The following TRAK1 variants were observed in gnomAD, a reference collection of about 807,000 sequenced individuals.
The protein encoded by TRAK1 is trafficking kinesin protein 1.
A neutral mutation model predicts 92.1 loss-of-function variants in TRAK1; 33 were observed. That is an observed-to-expected ratio of 0.36 (90% CI 0.27 to 0.48). The LOEUF (loss-of-function observed/expected upper bound fraction) is 0.48, where lower values mean the gene tolerates loss of function less well. TRAK1 is among the 20% of genes least tolerant of loss of function. The probability of loss-of-function intolerance (pLI) is 0.99; values close to 1 mark genes in which losing one functional copy is unlikely to be tolerated. For missense variants in TRAK1, 1,123 were observed against 1,257.9 expected, an observed-to-expected ratio of 0.89 and a Z score of 1.62; for synonymous variants, 521 against 517.3, an observed-to-expected ratio of 1.01 and a Z score of -0.10.
At chr3:42,069,682 TGTG>T (rs989106862) in intron 1 of TRAK1, among the ~76,000 whole-genome samples, 4 of 152,148 alleles carry the variant, frequency 2.6e-5, no homozygotes, top group African/African-American at 9.7e-5. Flanking sequence ...GAAATGGCGT[TGTG>T]GTGAAAAATG....
In TRAK1 at chr3:42,178,263, G is replaced by A. The variant is rs191549131; in HGVS notation, c.363+1373G>A. Among the ~76,000 whole-genome samples, 396 of 152,084 alleles carry A rather than the reference G, an allele frequency of 2.6e-3. 3 individuals carry two copies. Among genetic ancestry groups the A allele is most frequent in the Non-Finnish European group, 4.1e-3 (277 of 68,004 alleles). ...GCTTCTCTCTGCTTTACTCTTCCTT[G>A]CAGCTGCCACCGTCCATGCCCTCTG... is the stretch of plus-strand genomic sequence containing the variant. On this transcript the variant is annotated intron_variant, in intron 3 of 15. Coordinates refer to ENST00000327628, the MANE Select transcript of TRAK1 (RefSeq NM_001042646.3).
chr3:42,048,931 G>A (rs1425198394), intron 1 of TRAK1, among the ~76,000 whole-genome samples: 1 of 152,164 alleles, frequency 6.6e-6, no homozygotes, highest in East Asian at 1.9e-4. Flanking sequence ...CTGAGACAGG[G>A]TGTCACTCTG....
chr3:42,173,678 C>T lies in TRAK1; in HGVS notation c.287-3136C>T, dbSNP rs116755799. Among the ~76,000 whole-genome samples, 1,052 of 152,310 alleles carry T rather than the reference C, an allele frequency of 6.9e-3. 6 individuals are homozygous for T. The highest frequency in any genetic ancestry group is 0.022 in the African/African-American group (917 of 41,580). On this transcript the variant is annotated intron_variant, in intron 2 of 15. Transcript: ENST00000327628. ...TTTAGTACAGGAGCCAGACTGGCCT[C>T]GGTGCAGTCTCTGCAATGCAGCCTC...
chr3:42,184,577 T>C, intron 3 of TRAK1, 108 bp from the exon 4 acceptor site: 1 of 1,070,850 alleles, frequency 9.3e-7, no homozygotes, highest in Non-Finnish European at 1.4e-6. Context: ...ATTAATTCCT[T>C]TGTTATTTCT....
chr3:42,061,029 T>C (rs992076745), intron 1 of TRAK1, among the ~76,000 whole-genome samples: 12 of 152,136 alleles, frequency 7.9e-5, no homozygotes, highest in Admixed American at 2.0e-4. Flanking sequence ...ACTTAATGAC[T>C]TATGCTGAAG....
intron 13 of TRAK1, among the ~76,000 whole-genome samples, chr3:42,209,013 C>CCTG: frequency 6.6e-6 from 1 of 152,176 alleles, no homozygotes; most frequent in South Asian, 2.1e-4. Flanking sequence ...GGACACACTC[C>CCTG]AGTGTTATTA....
rs1010391674 is a variant in TRAK1 at position 42,195,566 on chromosome 3, C to T, written c.1113+625C>T. ...TTCCTTGGAGCTCTTTCCCTTCAGC[C>T]CCCATTGCTGACCCCCAGCAGATAC... On this transcript the variant is annotated intron_variant, in intron 10 of 15. Transcript: ENST00000327628. Among the ~76,000 whole-genome samples the T allele has an allele frequency of 2.6e-5, 4 of 151,888 alleles. No homozygotes were observed. The South Asian group carries it at 6.2e-4, about 24-fold the overall frequency.
intron 2 of TRAK1, among the ~76,000 whole-genome samples, chr3:42,128,427 A>G (rs941808026): frequency 6.6e-6 from 1 of 152,190 alleles, no homozygotes; most frequent in African/African-American, 2.4e-5. Context: ...TGGTTCCTGT[A>G]GTTAGAGCAA....
intron 1 of TRAK1, among the ~76,000 whole-genome samples, chr3:42,055,233 A>G (rs1444411410): frequency 6.6e-6 from 1 of 152,018 alleles, no homozygotes; most frequent in Admixed American, 6.6e-5. Context: ...ATTTTAACAC[A>G]TGTATAGAGT....
rs879296214 is a variant in TRAK1 at position 42,118,985 on chromosome 3, T to C, written c.92-6435T>C. Among the ~76,000 whole-genome samples, 3 of 152,318 alleles carry C rather than the reference T, an allele frequency of 2.0e-5. No homozygotes were observed. The East Asian group carries it at 5.8e-4, about 29-fold the overall frequency. ...CCTGCCTCATGTTGCAGGCTGGGCATGTGTCTGTCCTGGACAGGCAGGGGA... is the reference window on the plus strand; with the variant it reads ...CCTGCCTCATGTTGCAGGCTGGGCACGTGTCTGTCCTGGACAGGCAGGGGA... On this transcript the variant is annotated intron_variant, in intron 1 of 15. Coordinates refer to ENST00000327628, the MANE Select transcript of TRAK1 (RefSeq NM_001042646.3).
chr3:42,199,875 T>C (rs544180798), intron 11 of TRAK1, among the ~76,000 whole-genome samples: 19 of 152,242 alleles, frequency 1.2e-4, no homozygotes, highest in Non-Finnish European at 2.4e-4. Context: ...TGTCTTGATA[T>C]AGCTACACGT....
intron 15 of TRAK1, among the ~76,000 whole-genome samples, 181 bp downstream of exon 15, chr3:42,219,777 T>C (rs1710134941): frequency 1.4e-5 from 2 of 146,902 alleles, no homozygotes; most frequent in Non-Finnish European, 3.0e-5. Flanking sequence ...CCTTTTGTTG[T>C]TGTTATGTGT....
chr3:42,033,108 C>T (rs1053449527), intron 1 of TRAK1, among the ~76,000 whole-genome samples: 5 of 152,142 alleles, frequency 3.3e-5, no homozygotes, highest in African/African-American at 1.2e-4. Flanking sequence ...TTTTAATGGG[C>T]TCTGGGTAAT....
intron 14 of TRAK1, chr3:42,211,862 A>G (rs1481514019): frequency 1.0e-6 from 1 of 985,480 alleles, no homozygotes; most frequent in Non-Finnish European, 1.2e-6. Context: ...GACGAGGGGC[A>G]TGAACATTTA....
At chr3:42,075,751 GC>G (rs1704127053) in intron 1 of TRAK1, among the ~76,000 whole-genome samples, 1 of 152,136 alleles carries the variant, frequency 6.6e-6, no homozygotes, top group African/African-American at 2.4e-5. Flanking sequence ...GTGATGTTGA[GC>G]TTTTTTTTCA....
intron 1 of TRAK1, among the ~76,000 whole-genome samples, chr3:42,108,153 G>A (rs1009015949): frequency 1.2e-4 from 18 of 151,992 alleles, no homozygotes; most frequent in African/African-American, 3.9e-4. Flanking sequence ...TATGGATAGC[G>A]GATGGCCACC....
At chr3:42,075,578 A>G (rs922286507) in intron 1 of TRAK1, among the ~76,000 whole-genome samples, 11 of 152,176 alleles carry the variant, frequency 7.2e-5, no homozygotes, top group Admixed American at 7.2e-4. Context: ...CTTTCCACTG[A>G]GGCTGACCTA....
chr3:42,203,657 C>T, intron 13 of TRAK1: 2 of 985,310 alleles, frequency 2.0e-6, no homozygotes, highest in African/African-American at 1.7e-5. Context: ...CTCTGTGTTA[C>T]ACTTACGATG....
At chr3:42,214,766 T>A (rs1014472820) in intron 14 of TRAK1, among the ~76,000 whole-genome samples, 1 of 152,184 alleles carries the variant, frequency 6.6e-6, no homozygotes, top group Non-Finnish European at 1.5e-5. Context: ...GCTGGCCAGA[T>A]GTCTGATCAC....
Sources: allele counts gnomAD v4.1 joint callset (sites outside exome capture counted in the v4.1 genomes callset), GRCh38; gene constraint gnomAD v4.1.1; transcripts MANE v1.5; gene names NCBI Gene and HGNC (gene_info 2026-07-23, HGNC 2026-07-21).